Variants in LRGUK observed in about 807,000 individuals in gnomAD.
LRGUK encodes leucine rich repeats and guanylate kinase domain containing.
Under a neutral mutation model 76.0 loss-of-function variants are expected in LRGUK, and 65 were observed. The observed-to-expected ratio is 0.85, with a 90% CI of 0.70 to 1.05. The LOEUF is 1.05. Among genes scored for constraint, LRGUK ranks in the 50% least tolerant of loss-of-function variants. The probability of loss-of-function intolerance (pLI) is 0.00; values close to 1 mark genes in which losing one functional copy is unlikely to be tolerated. For synonymous variants in LRGUK, 268 were observed against 265.6 expected (o/e 1.01, Z -0.09); for missense variants, 758 against 732.8 (o/e 1.03, Z -0.40).
At chr7:134,206,312 C>T (rs971052416) in intron 15 of LRGUK, among the ~76,000 whole-genome samples, 3 of 152,102 alleles carry the variant, frequency 2.0e-5, no homozygotes, top group Non-Finnish European at 4.4e-5. Context: ...GTCAGGAGGT[C>T]GAGACCATCC....
Position 134,199,651 on chromosome 7 carries a change from G to A in LRGUK, c.1747+230G>A, listed in dbSNP as rs145167234. 3.0e-4 allele frequency among the ~76,000 whole-genome samples: 46 copies of A among 152,068 alleles called. 1 individual carries two copies. The East Asian group carries it at 8.5e-3, about 28-fold the overall frequency. On this transcript the variant is annotated intron_variant, in intron 14 of 15. Coordinates refer to ENST00000645682, the Ensembl canonical transcript of LRGUK. ...TAGCTAATAAGATTTGGTGTAAAAT[G>A]AGCCTGAACTAAGTTCATTTTTTAG...
Position 134,169,133 on chromosome 7 carries a change from G to GACAC in LRGUK, c.940-5364_940-5361dup, listed in dbSNP as rs36204942. On this transcript the variant is annotated intron_variant, in intron 7 of 15. Coordinates refer to ENST00000645682, the Ensembl canonical transcript of LRGUK. Reference sequence around the variant, plus strand: ...CCTGATAAGAGGCTGAAGGGAAGAAGACACACACACACACACACACACACA... The same window carrying GACAC: ...CCTGATAAGAGGCTGAAGGGAAGAAGACACACACACACACACACACACACACACA... Among the ~76,000 whole-genome samples the GACAC allele has an allele frequency of 1.3e-3, 174 of 135,578 alleles. 1 individual carries two copies. Among genetic ancestry groups the GACAC allele is most frequent in the African/African-American group, 3.4e-3 (122 of 35,838 alleles). The allele number at this position is 135,578 out of a possible 152,430, so 88.9% of individuals were successfully genotyped here. A position where few individuals can be genotyped will look rare whatever the true frequency, so the allele number is the denominator to read the frequency against.
chr7:134,264,065 C>G lies in LRGUK; in HGVS notation c.*90C>G, dbSNP rs1802809977. The G allele has an allele frequency of 2.3e-6, 3 of 1,323,602 alleles. No individual in the cohort carries two copies. The African/African-American group carries it at 4.5e-5, about 20-fold the overall frequency. The allele number at this position is 1,323,602 out of a possible 1,614,324, so 82.0% of individuals were successfully genotyped here. Reference sequence around the variant, plus strand: ...TACCTGGCCATGGGTCCAGCTGTTTCTCACTCAACCCATTACCCACGGAAG... The same window carrying G: ...TACCTGGCCATGGGTCCAGCTGTTTGTCACTCAACCCATTACCCACGGAAG... On this transcript the variant is annotated 3_prime_UTR_variant, in exon 20 of 20. Coordinates refer to the LRGUK transcript ENST00000285928.
At chr7:134,195,560 T>G (rs1800442910) in intron 12 of LRGUK, among the ~76,000 whole-genome samples, 1 of 152,152 alleles carries the variant, frequency 6.6e-6, no homozygotes, top group South Asian at 2.1e-4. Context: ...ATTGAGGCCT[T>G]CAACTGATTG....
At chr7:134,176,139 C>T (rs1210677976) in intron 8 of LRGUK, among the ~76,000 whole-genome samples, 2 of 152,090 alleles carry the variant, frequency 1.3e-5, no homozygotes, top group East Asian at 1.9e-4. Flanking sequence ...GGAAACCAAA[C>T]ACCACATGTC....
intron 16 of LRGUK, among the ~76,000 whole-genome samples, chr7:134,239,281 G>A (rs182386558): frequency 3.5e-4 from 53 of 152,286 alleles, no homozygotes; most frequent in South Asian, 1.0e-3. Context: ...GCAAGGAGTC[G>A]GGGAATTCCC....
intron 12 of LRGUK, among the ~76,000 whole-genome samples, 194 bp from the exon 13 acceptor site, chr7:134,196,798 G>A (rs1175048669): frequency 6.6e-6 from 1 of 151,642 alleles, no homozygotes; most frequent in Non-Finnish European, 1.5e-5. Context: ...TTTTTTGTCA[G>A]CTGAGAATTC....
chr7:134,161,273 C>T (rs1798719526), intron 6 of LRGUK, among the ~76,000 whole-genome samples: 1 of 151,964 alleles, frequency 6.6e-6, no homozygotes, highest in Non-Finnish European at 1.5e-5. Context: ...GGTCTTATTG[C>T]AGTATGTTAA....
intron 15 of LRGUK, among the ~76,000 whole-genome samples, chr7:134,207,092 C>T (rs537306248): frequency 6.6e-6 from 1 of 152,264 alleles, no homozygotes; most frequent in South Asian, 2.1e-4. Context: ...GCAAAAGAAG[C>T]TTTAGCACAG....
At chr7:134,162,487 A>G (rs1798790037) in intron 6 of LRGUK, among the ~76,000 whole-genome samples, 1 of 152,160 alleles carries the variant, frequency 6.6e-6, no homozygotes, top group Non-Finnish European at 1.5e-5. Context: ...CACTTCTACC[A>G]TATTCTTTGG....
In LRGUK at chr7:134,209,906, C is replaced by T. The variant is rs188270223; in HGVS notation, c.3043C>T (p.Arg1015Cys). ...GGCGGCTCAGAAAGTGAGGCTCCCTCGCATTCCTGCTCCTCTTCCGGAGCC... is the reference window on the plus strand; with the variant it reads ...GGCGGCTCAGAAAGTGAGGCTCCCTTGCATTCCTGCTCCTCTTCCGGAGCC... The change falls in exon 16 of 16, where the codon CGC becomes TGC. Residue 1015 changes from arginine (R) to cysteine (C), a missense_variant. Coordinates refer to ENST00000645682, the Ensembl canonical transcript of LRGUK. The T allele has an allele frequency of 9.0e-5, 36 of 399,306 alleles. No individual in the cohort carries two copies. The East Asian group carries it at 1.0e-3, about 11-fold the overall frequency. 24.7% of individuals were successfully genotyped at this position (399,306 alleles called of 1,614,324 possible). A position where few individuals can be genotyped will look rare whatever the true frequency, so the allele number is the denominator to read the frequency against.
At chr7:134,178,934 A>AGAAAAAAAAAAAAACC (rs1554464238) in intron 10 of LRGUK, among the ~76,000 whole-genome samples, 1 of 78,134 alleles carries the variant, frequency 1.3e-5, no homozygotes, top group Admixed American at 2.2e-4. Flanking sequence ...CTCAAAAAAA[A>AGAAAAAAAAAAAAACC]AAAAAAAAAA....
At chr7:134,185,447 G>A (rs1185168736) in intron 11 of LRGUK, among the ~76,000 whole-genome samples, 7 of 151,710 alleles carry the variant, frequency 4.6e-5, no homozygotes, top group Non-Finnish European at 8.8e-5. Flanking sequence ...TGTAATCCCA[G>A]CTGCTCGGGA....
At chr7:134,158,154 T>C in exon 6 of LRGUK, 3 of 1,612,046 alleles carry the variant, frequency 1.9e-6, no homozygotes, top group Non-Finnish European at 2.5e-6. Context: ...CAAAATACTT[T>C]GTCTGGTGAG....
intron 16 of LRGUK, among the ~76,000 whole-genome samples, chr7:134,238,813 GT>G: frequency 6.6e-6 from 1 of 152,078 alleles, no homozygotes; most frequent in South Asian, 2.1e-4. Flanking sequence ...TGTGAAATTA[GT>G]TTTCTCAGAC....
intron 19 of LRGUK, 140 bp from the exon 20 acceptor site, chr7:134,263,705 G>A (rs73159185): frequency 0.049 from 34,620 of 703,152 alleles, 1,077 homozygotes; most frequent in Non-Finnish European, 0.054. Flanking sequence ...GTAAGCCACT[G>A]CACCTGGCCT....
chr7:134,245,351 A>T (rs1447371578), intron 16 of LRGUK, among the ~76,000 whole-genome samples: 1 of 152,100 alleles, frequency 6.6e-6, no homozygotes, highest in Non-Finnish European at 1.5e-5. Context: ...CTGTCTTGGC[A>T]TTCCCCTGTT....
chr7:134,242,054 G>A (rs1802170672), intron 16 of LRGUK, among the ~76,000 whole-genome samples: 1 of 152,180 alleles, frequency 6.6e-6, no homozygotes, highest in Non-Finnish European at 1.5e-5. Context: ...ATTCAAAGCA[G>A]TGTGTAGAGG....
chr7:134,137,783 G>A (rs150503884), intron 2 of LRGUK, among the ~76,000 whole-genome samples: 157 of 151,844 alleles, frequency 1.0e-3, no homozygotes, highest in African/African-American at 3.5e-3. Flanking sequence ...AATTTAAGTC[G>A]TTGTGCCTCC....
Sources: allele counts gnomAD v4.1 joint callset (sites outside exome capture counted in the v4.1 genomes callset), GRCh38; gene constraint gnomAD v4.1.1; transcripts MANE v1.5; gene names NCBI Gene and HGNC (gene_info 2026-07-23, HGNC 2026-07-21).